The following EPHA5 variants were observed in gnomAD, a reference collection of about 807,000 sequenced individuals.
The protein encoded by EPHA5 is ephrin type-A receptor 5.
Under a neutral mutation model 105.0 loss-of-function variants are expected in EPHA5, and 60 were observed. The ratio of observed to expected loss-of-function variants is 0.57; its 90% CI spans 0.46 to 0.71. EPHA5 has a LOEUF of 0.71. Ranked by LOEUF, EPHA5 falls within the 30% of genes least tolerant of loss-of-function variation. The pLI, the probability that EPHA5 is intolerant of heterozygous loss-of-function variation, is 0.00. For synonymous variants in EPHA5, 513 were observed against 449.1 expected (o/e 1.14, Z -1.80); for missense variants, 1,218 against 1,274.7 (o/e 0.96, Z 0.68).
intron 3 of EPHA5, among the ~76,000 whole-genome samples, chr4:65,587,337 C>T (rs923145020): frequency 1.3e-5 from 2 of 151,986 alleles, no homozygotes; most frequent in Non-Finnish European, 2.9e-5. Context: ...CATACCACAC[C>T]TCCAAACAAA....
At chr4:65,532,282 A>G (rs1242912492) in intron 3 of EPHA5, among the ~76,000 whole-genome samples, 1 of 152,094 alleles carries the variant, frequency 6.6e-6, no homozygotes, top group African/African-American at 2.4e-5. Context: ...ATCTCCCATG[A>G]AGTAATGAAA....
chr4:65,366,240 T>C (rs1717898454), intron 9 of EPHA5, among the ~76,000 whole-genome samples, 183 bp from the exon 10 acceptor site: 1 of 151,774 alleles, frequency 6.6e-6, no homozygotes, highest in Non-Finnish European at 1.5e-5. Flanking sequence ...ATTTCAGAAA[T>C]CTGTTTGCAG....
rs2148770034 is a variant in EPHA5, at chr4:65,321,674, A to T, written c.*2440T>A. The stretch of plus-strand genomic sequence containing the variant: ...AAAGAAGGCAAATAAATTTGATCCA[A>T]ATTAATTTATATTCTTCCTTTGTTA... On this transcript the variant is annotated 3_prime_UTR_variant, in exon 17 of 17. Coordinates refer to ENST00000613740, the MANE Select transcript of EPHA5 (RefSeq NM_001281766.3). The T allele has an allele frequency of 4.4e-6, 1 of 229,248 alleles. No individual in the cohort carries two copies. The highest frequency in any genetic ancestry group is 2.2e-5 in the African/African-American group (1 of 45,216). The allele number at this position is 229,248 out of a possible 1,614,324, so 14.2% of individuals were successfully genotyped here. A position where few individuals can be genotyped will look rare whatever the true frequency, so the allele number is the denominator to read the frequency against.
At chr4:65,555,451 A>T (rs1373675014) in intron 3 of EPHA5, among the ~76,000 whole-genome samples, 2 of 152,126 alleles carry the variant, frequency 1.3e-5, no homozygotes, top group Admixed American at 6.6e-5. Flanking sequence ...ATAGGTACTA[A>T]GCTTAATACC....
chr4:65,478,929 C>T (rs1191581531), intron 5 of EPHA5, among the ~76,000 whole-genome samples: 1 of 152,166 alleles, frequency 6.6e-6, no homozygotes, highest in Non-Finnish European at 1.5e-5. Context: ...CTCCTGCAAG[C>T]TTGAAGCAGT....
chr4:65,551,302 G>A (rs1489796102), intron 3 of EPHA5, among the ~76,000 whole-genome samples: 3 of 140,894 alleles, frequency 2.1e-5, no homozygotes, highest in African/African-American at 7.9e-5. Flanking sequence ...ATATATATAT[G>A]GAGTCAGCAT....
At chr4:65,515,898 G>A (rs1466963399) in intron 3 of EPHA5, among the ~76,000 whole-genome samples, 1 of 152,046 alleles carries the variant, frequency 6.6e-6, no homozygotes, top group African/African-American at 2.4e-5. Context: ...AGGAGAAAGG[G>A]AGAATTCAAT....
At chr4:65,576,693 G>T (rs1410922148) in intron 3 of EPHA5, among the ~76,000 whole-genome samples, 2 of 152,162 alleles carry the variant, frequency 1.3e-5, no homozygotes, top group Non-Finnish European at 2.9e-5. Context: ...TAAACATTAG[G>T]AACTAAGAGT....
chr4:65,559,209 A>C (rs545637168), intron 3 of EPHA5, among the ~76,000 whole-genome samples: 7 of 152,262 alleles, frequency 4.6e-5, no homozygotes, highest in African/African-American at 1.7e-4. Flanking sequence ...CACTTTTTAA[A>C]ATGTATTTAT....
chr4:65,605,848 C>T (rs1744182456), intron 2 of EPHA5, among the ~76,000 whole-genome samples: 1 of 152,082 alleles, frequency 6.6e-6, no homozygotes, highest in Middle Eastern at 3.2e-3. Context: ...AACTATGCAA[C>T]TCTGTAATGA....
At chr4:65,622,139 CTTATT>C (rs1745758213) in intron 2 of EPHA5, among the ~76,000 whole-genome samples, 1 of 152,058 alleles carries the variant, frequency 6.6e-6, no homozygotes, top group Admixed American at 6.6e-5. Context: ...TTCTGTTCAG[CTTATT>C]TTATTTTCTA....
At chr4:65,547,766 G>A (rs1459817530) in intron 3 of EPHA5, among the ~76,000 whole-genome samples, 3 of 151,924 alleles carry the variant, frequency 2.0e-5, no homozygotes, top group Admixed American at 6.6e-5. Context: ...AGAGAGATTT[G>A]AATCCAGGGC....
At chr4:65,342,263 G>C (rs17751409) in intron 14 of EPHA5, among the ~76,000 whole-genome samples, 15,114 of 151,982 alleles carry the variant, frequency 0.099, 781 homozygotes, top group Middle Eastern at 0.14. Context: ...GAATTTTCAT[G>C]AGGCTACTAG....
At chr4:65,548,178 T>A (rs1737566382) in intron 3 of EPHA5, among the ~76,000 whole-genome samples, 1 of 94,564 alleles carries the variant, frequency 1.1e-5, no homozygotes, top group Non-Finnish European at 2.3e-5. Flanking sequence ...ATACATAAAC[T>A]ATTTTGAAGT....
chr4:65,588,859 C>CAT (rs2149410955), intron 3 of EPHA5, among the ~76,000 whole-genome samples: 1 of 152,130 alleles, frequency 6.6e-6, no homozygotes, highest in South Asian at 2.1e-4. Context: ...CTCCAATGGC[C>CAT]AGGGTGGTGG....
chr4:65,528,232 C>T (rs1214642079), intron 3 of EPHA5, among the ~76,000 whole-genome samples: 1 of 152,044 alleles, frequency 6.6e-6, no homozygotes, highest in Non-Finnish European at 1.5e-5. Flanking sequence ...GTCGGCAAAA[C>T]CATAGGTGCT....
intron 3 of EPHA5, among the ~76,000 whole-genome samples, chr4:65,524,824 T>C (rs1735079943): frequency 6.6e-6 from 1 of 151,750 alleles, no homozygotes; most frequent in African/African-American, 2.4e-5. Context: ...GTATGGCAGC[T>C]GAAACCTGAG....
intron 16 of EPHA5, chr4:65,331,296 A>G: frequency 9.7e-7 from 1 of 1,033,250 alleles, no homozygotes; most frequent in South Asian, 4.6e-5. Context: ...ATAATAAAAT[A>G]CAAACAACTT....
chr4:65,485,791 A>C lies in EPHA5; in HGVS notation c.1402+4586T>G, dbSNP rs575497619. Among the ~76,000 whole-genome samples, 502 of 152,306 alleles carry C rather than the reference A, an allele frequency of 3.3e-3. 1 individual carries two copies. The Middle Eastern group carries it at 0.048, about 14-fold the overall frequency. ...ATACCACAAAGAATGGTGCTTTGGCATGATGAGCACTTTGAATTAAAAGAA... is the reference window on the plus strand; with the variant it reads ...ATACCACAAAGAATGGTGCTTTGGCCTGATGAGCACTTTGAATTAAAAGAA... On this transcript the variant is annotated intron_variant, in intron 5 of 16. Transcript: ENST00000613740.
Sources: allele counts gnomAD v4.1 joint callset (sites outside exome capture counted in the v4.1 genomes callset), GRCh38; gene constraint gnomAD v4.1.1; transcripts MANE v1.5; gene names NCBI Gene and HGNC (gene_info 2026-07-23, HGNC 2026-07-21).